The following THNSL2 variants were observed in gnomAD, a reference collection of about 807,000 sequenced individuals.
THNSL2 encodes the protein threonine synthase-like 2.
A neutral mutation model predicts 40.0 loss-of-function variants in THNSL2; 34 were observed. The observed-to-expected ratio is 0.85, with a 90% CI of 0.65 to 1.13. The LOEUF (loss-of-function observed/expected upper bound fraction) is 1.13, where lower values mean the gene tolerates loss of function less well. Ranked by LOEUF, THNSL2 falls within the 50% of genes most tolerant of loss-of-function variation. THNSL2 has a pLI of 0.00. For missense variants in THNSL2, 537 were observed against 608.8 expected (o/e 0.88, Z 1.24); for synonymous variants, 241 against 247.5 (o/e 0.97, Z 0.25).
intron 7 of THNSL2, 78 bp from the exon 8 acceptor site, chr2:88,185,250 G>T: frequency 6.8e-7 from 1 of 1,477,256 alleles, no homozygotes; most frequent in South Asian, 1.5e-5. Context: ...GTGTGGATCT[G>T]TGGTGGAGAG....
At chr2:88,185,760 TTGTC>T (rs1463096340) in intron 8 of THNSL2, 134 bp from the exon 9 acceptor site, 6 of 1,546,062 alleles carry the variant, frequency 3.9e-6, no homozygotes, top group Non-Finnish European at 4.4e-6. Flanking sequence ...AAGGTGCCAA[TTGTC>T]TGTCTGTGTC....
chr2:88,171,938 C>G (rs1287144770), intron 1 of THNSL2: 1 of 152,288 alleles, frequency 6.6e-6, no homozygotes, highest in Non-Finnish European at 1.5e-5. Context: ...ACGTGGCAGC[C>G]CACGTGAGAC....
chr2:88,174,646 C>A lies in THNSL2; in HGVS notation c.231C>A (p.Ile77=). The change falls in exon 3 of 9, where the codon ATC becomes ATA. Residue 77 remains isoleucine, a synonymous_variant. Coordinates refer to ENST00000674334, the MANE Select transcript of THNSL2 (RefSeq NM_018271.5). ...LLPKDELNDL[I]DRAFSRFRHR... ...ACCCCACTACCCTCACAGATCTGATCGACCGAGCCTTCAGCAGATTCCGTC... is the reference window on the plus strand; with the variant it reads ...ACCCCACTACCCTCACAGATCTGATAGACCGAGCCTTCAGCAGATTCCGTC... 1.9e-6 allele frequency: 3 copies of A among 1,613,872 alleles called. No homozygotes were observed. Among genetic ancestry groups the A allele is most frequent in the Non-Finnish European group, 2.5e-6 (3 of 1,179,854 alleles).
At chr2:88,179,596 G>A (rs1210208852) in intron 5 of THNSL2, among the ~76,000 whole-genome samples, 1 of 152,218 alleles carries the variant, frequency 6.6e-6, no homozygotes, top group African/African-American at 2.4e-5. Flanking sequence ...GCCTCGATGA[G>A]CGAATCAGAT....
intron 4 of THNSL2, 130 bp downstream of exon 4, chr2:88,175,531 G>T (rs1010443215): frequency 4.8e-6 from 6 of 1,257,000 alleles, no homozygotes; most frequent in Admixed American, 2.3e-5. Context: ...CATATTCGAG[G>T]TTGGTGTGTA....
chr2:88,174,238 T>A (rs1423618799), intron 2 of THNSL2, among the ~76,000 whole-genome samples: 1 of 152,124 alleles, frequency 6.6e-6, no homozygotes, highest in Non-Finnish European at 1.5e-5. Context: ...GGTGTGAGAT[T>A]TAGTAATGTA....
intron 1 of THNSL2, chr2:88,172,890 C>T (rs1005822098): frequency 4.9e-5 from 16 of 325,696 alleles, no homozygotes; most frequent in South Asian, 2.9e-4. Flanking sequence ...CGGCATGCTC[C>T]GATACCCTCT....
At position 88,174,963 on chromosome 2, in the gene THNSL2, T is replaced by C. The variant is rs1676756007; in HGVS notation, c.418+130T>C. 4.3e-6 allele frequency: 5 copies of C among 1,154,030 alleles called. No homozygotes were observed. The Admixed American group carries it at 1.3e-4, about 29-fold the overall frequency. The allele number at this position is 1,154,030 out of a possible 1,614,324, so 71.5% of individuals were successfully genotyped here. A position where few individuals can be genotyped will look rare whatever the true frequency, so the allele number is the denominator to read the frequency against. ...TCTTCCAGAGCAAGGTTCCTAACAT[T>C]TTCTGGTGCCATAGACCCCTTTGCC... On this transcript the variant is annotated intron_variant, in intron 3 of 8. Coordinates refer to ENST00000674334, the MANE Select transcript of THNSL2 (RefSeq NM_018271.5).
At chr2:88,172,283 G>T (rs1676455473) in intron 1 of THNSL2, 1 of 152,276 alleles carries the variant, frequency 6.6e-6, no homozygotes, top group Non-Finnish European at 1.5e-5. Context: ...ACCAGTGTTA[G>T]GCCTAAGGGG....
At chr2:88,180,670 C>A (rs553599711) in intron 5 of THNSL2, among the ~76,000 whole-genome samples, 1 of 152,172 alleles carries the variant, frequency 6.6e-6, no homozygotes, top group Admixed American at 6.5e-5. Flanking sequence ...AAACTGCTCA[C>A]GAAAGCACCA....
In THNSL2 at chr2:88,174,952, G is replaced by T; in HGVS notation, c.418+119G>T. 30 of 1,235,130 alleles carry T rather than the reference G, an allele frequency of 2.4e-5. 1 individual carries two copies. The highest frequency in any genetic ancestry group is 3.3e-5 in the Non-Finnish European group (29 of 886,746). 76.5% of individuals were successfully genotyped at this position (1,235,130 alleles called of 1,614,324 possible). On this transcript the variant is annotated intron_variant, in intron 3 of 8. Coordinates refer to ENST00000674334, the MANE Select transcript of THNSL2 (RefSeq NM_018271.5). ...GTGGTACTGGTTCTTCCAGAGCAAG[G>T]TTCCTAACATTTTCTGGTGCCATAG...
intron 1 of THNSL2, among the ~76,000 whole-genome samples, chr2:88,170,813 C>CGG (rs1295053917): frequency 1.3e-5 from 2 of 151,774 alleles, no homozygotes; most frequent in East Asian, 3.9e-4. Flanking sequence ...TCAGAGAGCC[C>CGG]GGGGTCTGCC....
Position 88,175,438 on chromosome 2 carries a change from C to T in THNSL2, c.571+37C>T, listed in dbSNP as rs754295405. On this transcript the variant is annotated intron_variant, in intron 4 of 8. Coordinates refer to ENST00000674334, the MANE Select transcript of THNSL2 (RefSeq NM_018271.5). The stretch of plus-strand genomic sequence containing the variant: ...GGCAGAGGCTCTAGGGACAGTGCAG[C>T]CCTGCCTTAATTGGGTTTGCTTTGG... 45 of 1,604,352 alleles carry T rather than the reference C, an allele frequency of 2.8e-5. 1 individual carries two copies. The South Asian group carries it at 4.9e-4, about 17-fold the overall frequency.
Position 88,174,731 on chromosome 2 carries a change from C to A in THNSL2, c.316C>A (p.His106Asn), listed in dbSNP as rs777173382. Residue 106 changes from histidine to asparagine, a missense_variant, in exon 3 of 9, where the codon CAT becomes AAT. His to Asn is a moderately conservative substitution (Grantham distance 68). Coordinates refer to ENST00000674334, the MANE Select transcript of THNSL2 (RefSeq NM_018271.5). The stretch of plus-strand genomic sequence containing the variant: ...TGGGCTGAACGTGTTGGAGCTGTGG[C>A]ATGGCGTCACATATGCATTTAAGGA... Reference protein sequence around the residue: ...RNGLNVLELWHGVTYAFKDLS... With the variant: ...RNGLNVLELWNGVTYAFKDLS... The A allele has an allele frequency of 1.2e-6, 2 of 1,614,154 alleles. No individual in the cohort carries two copies. Among genetic ancestry groups the A allele is most frequent in the South Asian group, 2.2e-5 (2 of 91,082 alleles).
chr2:88,180,469 G>A (rs1356022269), intron 5 of THNSL2, among the ~76,000 whole-genome samples: 2 of 152,156 alleles, frequency 1.3e-5, no homozygotes, highest in Non-Finnish European at 2.9e-5. Flanking sequence ...TTACTCAGGA[G>A]GCAGAGGCAG....
chr2:88,185,933 C>A lies in THNSL2; in HGVS notation c.1265C>A (p.Ala422Asp). ...PRCCLAPASA[A>D]KFPEAVLAAG... ...TGCTGCCTCGCCCCTGCCTCTGCAG[C>A]CAAGTTCCCGGAAGCTGTCCTGGCT... The change falls in exon 9 of 9, where the codon GCC (alanine) becomes GAC (aspartate). Residue 422 changes from alanine to aspartate, a missense_variant. Coordinates refer to ENST00000674334, the MANE Select transcript of THNSL2 (RefSeq NM_018271.5). 2.5e-6 allele frequency: 4 copies of A among 1,611,520 alleles called. No homozygotes were observed. The highest frequency in any genetic ancestry group is 3.4e-6 in the Non-Finnish European group (4 of 1,179,254).
At chr2:88,182,603 C>T (rs2104261114) in intron 5 of THNSL2, 96 bp from the exon 6 acceptor site, 2 of 1,364,366 alleles carry the variant, frequency 1.5e-6, no homozygotes, top group South Asian at 1.9e-5. Context: ...CTTCAAAAAG[C>T]ACAAAAGTTT....
intron 2 of THNSL2, among the ~76,000 whole-genome samples, chr2:88,174,055 G>A (rs555919494): frequency 1.3e-5 from 2 of 152,108 alleles, no homozygotes; most frequent in Non-Finnish European, 2.9e-5. Context: ...GCATTGCTTG[G>A]GCACTTGTTG....
chr2:88,181,910 G>A (rs190788734), intron 5 of THNSL2, among the ~76,000 whole-genome samples: 4 of 152,164 alleles, frequency 2.6e-5, no homozygotes, highest in Admixed American at 2.0e-4. Context: ...CTTCTTTCCC[G>A]TAGCGTGATG....
Sources: gnomAD v4.1 joint callset for allele counts (sites outside exome capture counted in the v4.1 genomes callset) on GRCh38, gnomAD v4.1.1 for gene constraint, MANE v1.5 for transcripts, NCBI Gene and HGNC (gene_info 2026-07-23, HGNC 2026-07-21) for gene names.